Variants in ARRDC5 observed in about 807,000 individuals in gnomAD.
ARRDC5 encodes arrestin domain-containing protein 5.
Under a neutral mutation model 13.3 loss-of-function variants are expected in ARRDC5, and 12 were observed. The ratio of observed to expected loss-of-function variants is 0.90; its 90% CI spans 0.58 to 1.46. ARRDC5 has a LOEUF of 1.46. Ranked by LOEUF, ARRDC5 falls within the 40% of genes most tolerant of loss-of-function variation. The pLI is 0.00. For missense variants in ARRDC5, 406 were observed against 418.7 expected (o/e 0.97, Z 0.26); for synonymous variants, 181 against 173.4 (o/e 1.04, Z -0.34).
chr19:4,903,488 T>G (rs1360478182), upstream of ARRDC5: 1 of 152,108 alleles, frequency 6.6e-6, no homozygotes, highest in Non-Finnish European at 1.5e-5. Flanking sequence ...GCTAATTTTT[T>G]TTTGGTATTT....
chr19:4,896,894 C>T lies in ARRDC5; in HGVS notation c.254-18G>A, dbSNP rs372046618. 39 of 1,582,618 alleles carry T rather than the reference C, an allele frequency of 2.5e-5. 1 individual carries two copies. The South Asian group carries it at 3.1e-4, about 13-fold the overall frequency. On this transcript the variant is annotated intron_variant, in intron 1 of 2. Transcript: ENST00000650722. ...CCAATTATCTGAAAGCAAAACACAC[C>T]GATGCCATCAGAAGGTTCTAGAATC... is the stretch of plus-strand genomic sequence containing the variant.
At chr19:4,911,980 G>A in the ARRDC5 span, among the ~76,000 whole-genome samples, 1 of 152,174 alleles carries the variant, frequency 6.6e-6, no homozygotes. Flanking sequence ...GTCTAGGTTG[G>A]AAAATAAACA....
At position 4,891,581 on chromosome 19, in the gene ARRDC5, G is replaced by A. The variant is rs763361833; in HGVS notation, c.460-8C>T. On this transcript the variant is annotated splice_region_variant and splice_polypyrimidine_tract_variant and intron_variant, in intron 2 of 2. Transcript: ENST00000650722. ...CTCCACGAACAAGGGGTTCTAGGAG[G>A]ATGTGGGGGAACAGACAACCGTGAG... 3 of 1,604,304 alleles carry A rather than the reference G, an allele frequency of 1.9e-6. No homozygotes were observed. The highest frequency in any genetic ancestry group is 1.3e-5 in the African/African-American group (1 of 74,882).
At chr19:4,908,096 AC>A in the ARRDC5 span, among the ~76,000 whole-genome samples, 5 of 152,074 alleles carry the variant, frequency 3.3e-5, no homozygotes, top group Non-Finnish European at 4.4e-5. Context: ...ACTTATTAGG[AC>A]CTTTTAAGGA....
the ARRDC5 span, among the ~76,000 whole-genome samples, chr19:4,915,098 T>G: frequency 6.6e-6 from 1 of 152,210 alleles, no homozygotes; most frequent in Non-Finnish European, 1.5e-5. Context: ...CTTCCATGCC[T>G]CAAAGGCAGG....
At chr19:4,896,901 A>G (rs763445645) in intron 1 of ARRDC5, 25 bp from the exon 2 acceptor site, 23 of 1,546,166 alleles carry the variant, frequency 1.5e-5, no homozygotes, top group Non-Finnish European at 1.3e-5. Context: ...CACCGATGCC[A>G]TCAGAAGGTT....
Position 4,891,238 on chromosome 19 carries a change from C to G in ARRDC5, c.795G>C (p.Val265=). 1 of 1,613,852 alleles carries G rather than the reference C, an allele frequency of 6.2e-7. No homozygotes were observed. The highest frequency in any genetic ancestry group is 8.5e-7 in the Non-Finnish European group (1 of 1,179,880). The change falls in exon 3 of 3, where the codon GTG becomes GTC. Residue 265 remains valine, a synonymous_variant. Transcript: ENST00000650722. The part of the protein sequence containing the change: ...STFNLPLLLS[V]SSSTQDGEIM... ...TCTCACCGTCCTGCGTGCTGCTGCT[C>G]ACGGACAGCAGCAACGGCAGGTTGA... is the stretch of plus-strand genomic sequence containing the variant.
the ARRDC5 span, among the ~76,000 whole-genome samples, chr19:4,911,824 G>C: frequency 3.3e-5 from 5 of 152,168 alleles, no homozygotes; most frequent in African/African-American, 4.8e-5. Flanking sequence ...CAGTGTGATC[G>C]AAGGTGTAGG....
At chr19:4,901,626 A>T (rs1024620657) in intron 1 of ARRDC5, among the ~76,000 whole-genome samples, 1 of 152,138 alleles carries the variant, frequency 6.6e-6, no homozygotes, top group African/African-American at 2.4e-5. Context: ...AAAATAGATA[A>T]ATAAATAAAT....
At chr19:4,901,017 CA>C (rs779901716) in intron 1 of ARRDC5, among the ~76,000 whole-genome samples, 225 of 129,328 alleles carry the variant, frequency 1.7e-3, no homozygotes, top group Middle Eastern at 3.9e-3. Context: ...GATTCAGTCT[CA>C]AAAAAAAAAA....
chr19:4,893,744 A>ACC (rs1568394197), intron 2 of ARRDC5, among the ~76,000 whole-genome samples: 1 of 146,412 alleles, frequency 6.8e-6, no homozygotes, highest in African/African-American at 2.5e-5. Context: ...AAAAAAAAAA[A>ACC]AAAAACCAAA....
upstream of ARRDC5, among the ~76,000 whole-genome samples, chr19:4,907,276 AT>A (rs59086062): frequency 4.4e-3 from 652 of 148,180 alleles, 5 homozygotes; most frequent in African/African-American, 0.015. Flanking sequence ...TGCCCAGCTA[AT>A]TTTTTTTTTT....
chr19:4,896,809 AGAAG>A lies in ARRDC5; in HGVS notation c.317_320del (p.Pro106LeufsTer25). On this transcript the variant is annotated frameshift_variant, in exon 2 of 3. Coordinates refer to ENST00000650722, the MANE Select transcript of ARRDC5 (RefSeq NM_001080523.3). LOFTEE classifies it high-confidence loss of function. ...CATGGCCAAATTTGCTGGTGAAGGT[AGAAG>A]GAAGCCTGGGAGGTAAGTTGAAATG... The A allele has an allele frequency of 6.2e-7, 1 of 1,613,942 alleles. No homozygotes were observed. The highest frequency in any genetic ancestry group is 1.3e-5 in the African/African-American group (1 of 75,052).
chr19:4,910,167 G>A, the ARRDC5 span: 3 of 151,768 alleles, frequency 2.0e-5, no homozygotes, highest in Non-Finnish European at 4.4e-5. Flanking sequence ...CGCGACCCGC[G>A]CGGGCCAGTG....
intron 1 of ARRDC5, among the ~76,000 whole-genome samples, chr19:4,897,241 G>A (rs2031767886): frequency 6.6e-6 from 1 of 152,192 alleles, no homozygotes; most frequent in African/African-American, 2.4e-5. Flanking sequence ...ACAGGCGTGA[G>A]CCACTGCACC....
chr19:4,898,453 C>G (rs551317401), intron 1 of ARRDC5, among the ~76,000 whole-genome samples: 1 of 151,970 alleles, frequency 6.6e-6, no homozygotes, highest in Non-Finnish European at 1.5e-5. Flanking sequence ...CCTCCGCCTC[C>G]TAGGTTCAAG....
At chr19:4,909,873 G>A in the ARRDC5 span, 1 of 379,258 alleles carries the variant, frequency 2.6e-6, no homozygotes, top group Non-Finnish European at 4.7e-6. Flanking sequence ...AGCCCGGCGG[G>A]GGGTCGAGCG....
At chr19:4,902,949 G>T (rs2031975203), upstream of ARRDC5, 1 of 1,472,740 alleles carries the variant, frequency 6.8e-7, no homozygotes, top group Non-Finnish European at 9.3e-7. Flanking sequence ...GGGAAGTGGG[G>T]ACCCCAGTGG....
chr19:4,899,563 T>C (rs1181593923), intron 1 of ARRDC5, among the ~76,000 whole-genome samples: 24 of 137,462 alleles, frequency 1.7e-4, no homozygotes, highest in African/African-American at 5.5e-4. Flanking sequence ...ACCCAGGAGG[T>C]GGAGGTTGCA....
Sources: allele counts gnomAD v4.1 joint callset (sites outside exome capture counted in the v4.1 genomes callset), GRCh38; gene constraint gnomAD v4.1.1; transcripts MANE v1.5; gene names NCBI Gene and HGNC (gene_info 2026-07-23, HGNC 2026-07-21).